Variants in MARCHF3 observed in about 807,000 individuals in gnomAD.
The protein encoded by MARCHF3 is membrane associated ring-CH-type finger 3, also known as E3 ubiquitin-protein ligase MARCHF3.
In MARCHF3, 13 loss-of-function variants were observed where a neutral mutation model predicts 24.2. The observed-to-expected ratio is 0.54, with a 90% CI of 0.35 to 0.85. The LOEUF is 0.85. MARCHF3 is among the 40% of genes least tolerant of loss of function. The probability of loss-of-function intolerance (pLI) is 0.01; values close to 1 mark genes in which losing one functional copy is unlikely to be tolerated. For synonymous variants in MARCHF3, 144 were observed against 137.3 expected (o/e 1.05, Z -0.34); for missense variants, 276 against 325.0 (o/e 0.85, Z 1.16).
At chr5:127,010,899 T>C (rs1752450216) in intron 1 of MARCHF3, among the ~76,000 whole-genome samples, 1 of 152,028 alleles carries the variant, frequency 6.6e-6, no homozygotes, top group African/African-American at 2.4e-5. Context: ...TGCTAGGAGC[T>C]TGGGAGTTTT....
intron 1 of MARCHF3, among the ~76,000 whole-genome samples, chr5:126,983,569 T>C (rs1026996141): frequency 1.3e-5 from 2 of 152,182 alleles, no homozygotes; most frequent in Non-Finnish European, 2.9e-5. Flanking sequence ...GCAGACCTCA[T>C]GAAGAGCTAA....
chr5:126,919,205 G>C (rs1209592581), intron 1 of MARCHF3, among the ~76,000 whole-genome samples: 1 of 152,166 alleles, frequency 6.6e-6, no homozygotes, highest in Non-Finnish European at 1.5e-5. Flanking sequence ...AGACCCACTG[G>C]AGTGAGGAAC....
chr5:126,919,503 T>C (rs116367212), intron 1 of MARCHF3, among the ~76,000 whole-genome samples: 134 of 152,286 alleles, frequency 8.8e-4, no homozygotes, highest in African/African-American at 2.9e-3. Context: ...CCCAAGAGGA[T>C]TCCTGGAATT....
At chr5:126,907,891 A>G (rs966259673) in intron 3 of MARCHF3, among the ~76,000 whole-genome samples, 2 of 151,422 alleles carry the variant, frequency 1.3e-5, no homozygotes, top group Non-Finnish European at 2.9e-5. Flanking sequence ...TTTGCTCGTT[A>G]GTTGATGCAG....
intron 1 of MARCHF3, among the ~76,000 whole-genome samples, chr5:126,921,854 C>T (rs929464687): frequency 1.3e-5 from 2 of 152,146 alleles, no homozygotes; most frequent in African/African-American, 4.8e-5. Context: ...CAGCTGCACA[C>T]AGTGGGAGGA....
chr5:126,911,468 C>CT (rs1754530170), intron 3 of MARCHF3, among the ~76,000 whole-genome samples: 1 of 152,156 alleles, frequency 6.6e-6, no homozygotes, highest in Non-Finnish European at 1.5e-5. Context: ...ACCTACATGA[C>CT]TATCAGGGGC....
intron 1 of MARCHF3, among the ~76,000 whole-genome samples, chr5:126,965,691 T>C (rs1002428956): frequency 3.3e-5 from 5 of 152,070 alleles, no homozygotes; most frequent in Non-Finnish European, 7.4e-5. Flanking sequence ...CAGTGAGAGA[T>C]AGAAACCACT....
At chr5:126,956,483 CA>C (rs1187460645) in intron 1 of MARCHF3, among the ~76,000 whole-genome samples, 1 of 151,062 alleles carries the variant, frequency 6.6e-6, no homozygotes, top group African/African-American at 2.4e-5. Flanking sequence ...ACTAAAAATA[CA>C]AAAAAACAAA....
At chr5:127,002,527 T>C (rs566728794) in intron 1 of MARCHF3, among the ~76,000 whole-genome samples, 2 of 152,310 alleles carry the variant, frequency 1.3e-5, no homozygotes, top group South Asian at 2.1e-4. Context: ...GGAAAGCAAT[T>C]TCACCAGCCC....
chr5:126,963,115 T>C (rs182462644), intron 1 of MARCHF3, among the ~76,000 whole-genome samples: 1 of 152,282 alleles, frequency 6.6e-6, no homozygotes, highest in East Asian at 1.9e-4. Flanking sequence ...TTTAGCCTAG[T>C]ATGCAGCACT....
chr5:126,906,962 T>C (rs1309221887), intron 3 of MARCHF3, among the ~76,000 whole-genome samples: 2 of 151,980 alleles, frequency 1.3e-5, no homozygotes, highest in Non-Finnish European at 2.9e-5. Flanking sequence ...TTTAGTGCTA[T>C]AAATTTCCCT....
chr5:126,943,809 C>A (rs146006599), intron 1 of MARCHF3, among the ~76,000 whole-genome samples: 7 of 151,762 alleles, frequency 4.6e-5, no homozygotes, highest in Admixed American at 3.9e-4. Flanking sequence ...ATTCATGAAC[C>A]CTTACTCTTT....
At chr5:126,995,644 G>C (rs2052592916) in intron 1 of MARCHF3, among the ~76,000 whole-genome samples, 2 of 152,098 alleles carry the variant, frequency 1.3e-5, no homozygotes, top group South Asian at 2.1e-4. Flanking sequence ...AAAGATTTTT[G>C]TTTAACTTTC....
chr5:126,934,634 T>C lies in MARCHF3; in HGVS notation c.-56-16407A>G, dbSNP rs770751059. ...CTACTTGCACATAAATCTCTTTAAG[T>C]TGGTATGGAGAATATTGTTGAAAAA... is the stretch of plus-strand genomic sequence containing the variant. On this transcript the variant is annotated intron_variant, in intron 1 of 4. Transcript: ENST00000308660. Among the ~76,000 whole-genome samples the C allele has an allele frequency of 4.3e-4, 65 of 151,654 alleles. 1 individual carries two copies. Among genetic ancestry groups the C allele is most frequent in the Non-Finnish European group, 1.2e-4 (8 of 67,970 alleles).
intron 1 of MARCHF3, among the ~76,000 whole-genome samples, chr5:126,995,458 A>AT (rs774242159): frequency 2.6e-5 from 4 of 152,318 alleles, no homozygotes; most frequent in Admixed American, 6.5e-5. Context: ...TCAAGAAATT[A>AT]TTTCAGACTG....
intron 3 of MARCHF3, among the ~76,000 whole-genome samples, chr5:126,911,099 A>C (rs976599086): frequency 7.9e-5 from 12 of 152,158 alleles, no homozygotes; most frequent in African/African-American, 2.7e-4. Flanking sequence ...CAGTTGTCTA[A>C]TCTCAAACCC....
chr5:126,915,175 A>G (rs761019869), intron 2 of MARCHF3, 41 bp from the exon 3 acceptor site: 10 of 1,596,586 alleles, frequency 6.3e-6, no homozygotes, highest in Non-Finnish European at 8.5e-6. Flanking sequence ...ACTGGGCTGG[A>G]AACCTCCACC....
chr5:126,935,970 T>C (rs527893651), intron 1 of MARCHF3, among the ~76,000 whole-genome samples: 5 of 152,198 alleles, frequency 3.3e-5, no homozygotes, highest in Non-Finnish European at 7.3e-5. Flanking sequence ...TGCACATATG[T>C]CTTTAAGAGT....
intron 1 of MARCHF3, among the ~76,000 whole-genome samples, chr5:127,023,797 A>G (rs942714130): frequency 2.6e-5 from 4 of 151,854 alleles, no homozygotes; most frequent in Admixed American, 2.6e-4. Context: ...AAATAAAAAA[A>G]GGTTCCCTCA....
Sources: gnomAD v4.1 joint callset for allele counts (sites outside exome capture counted in the v4.1 genomes callset) on GRCh38, gnomAD v4.1.1 for gene constraint, MANE v1.5 for transcripts, NCBI Gene and HGNC (gene_info 2026-07-23, HGNC 2026-07-21) for gene names.